CUX2: variants seen among roughly 807,000 people sequenced by gnomAD.
CUX2 encodes homeobox protein cut-like 2.
In CUX2, 40 loss-of-function variants were observed where a neutral mutation model predicts 144.8. That is an observed-to-expected ratio of 0.28 (90% CI 0.21 to 0.36). The LOEUF (loss-of-function observed/expected upper bound fraction) is 0.36. CUX2 is among the 10% of genes least tolerant of loss of function. The pLI is 1.00. For missense variants in CUX2, 1,615 were observed against 1,994.0 expected (o/e 0.81, Z 3.62); for synonymous variants, 827 against 875.6 (o/e 0.94, Z 0.98).
chr12:111,258,512 C>CAAAA (rs895707620), intron 3 of CUX2, among the ~76,000 whole-genome samples: 1 of 65,948 alleles, frequency 1.5e-5, no homozygotes, highest in African/African-American at 5.9e-5. Flanking sequence ...GACTCCATCT[C>CAAAA]AAAAAAAAAA....
intron 1 of CUX2, among the ~76,000 whole-genome samples, chr12:111,101,666 T>A (rs985099769): frequency 1.3e-5 from 2 of 152,202 alleles, no homozygotes; most frequent in African/African-American, 4.8e-5. Context: ...AAACACTGTG[T>A]GGCCTTGGGC....
intron 1 of CUX2, among the ~76,000 whole-genome samples, chr12:111,176,697 C>G (rs955124389): frequency 6.6e-6 from 1 of 152,200 alleles, no homozygotes; most frequent in Admixed American, 6.5e-5. Flanking sequence ...CCAGTATATG[C>G]TGGGCCACCT....
chr12:111,303,012 A>T (rs1406457669), intron 9 of CUX2, among the ~76,000 whole-genome samples: 4 of 151,910 alleles, frequency 2.6e-5, no homozygotes, highest in African/African-American at 9.7e-5. Context: ...ACTTGAACCC[A>T]GGAGTTCAAG....
intron 18 of CUX2, among the ~76,000 whole-genome samples, chr12:111,330,734 T>TACATAC (rs1565926348): frequency 3.6e-5 from 2 of 54,856 alleles, no homozygotes; most frequent in African/African-American, 1.4e-4. Context: ...TATATATATA[T>TACATAC]ATATATATAT....
chr12:111,132,855 A>T (rs554693599), intron 1 of CUX2, among the ~76,000 whole-genome samples: 1 of 152,122 alleles, frequency 6.6e-6, no homozygotes, highest in African/African-American at 2.4e-5. Context: ...GGCATGAGCC[A>T]CTATGCCTGG....
At chr12:111,278,142 C>T (rs1345123232) in intron 4 of CUX2, among the ~76,000 whole-genome samples, 3 of 152,284 alleles carry the variant, frequency 2.0e-5, no homozygotes, top group South Asian at 2.1e-4. Context: ...ACGGGCAGGA[C>T]GTGGTGGCTC....
intron 1 of CUX2, among the ~76,000 whole-genome samples, chr12:111,193,594 C>T (rs1375356814): frequency 2.0e-5 from 3 of 152,202 alleles, no homozygotes; most frequent in Non-Finnish European, 4.4e-5. Flanking sequence ...CGCACATCTG[C>T]TGGATAAAGA....
chr12:111,242,551 C>T (rs4766562), intron 3 of CUX2, among the ~76,000 whole-genome samples: 60,777 of 152,044 alleles, frequency 0.4, 16,959 homozygotes, highest in African/African-American at 0.78. Flanking sequence ...TGGTGGCTCA[C>T]GCCTGTAATC....
chr12:111,105,485 C>CTGTG lies in CUX2; in HGVS notation c.63+71266_63+71269dup, dbSNP rs139804461. ...GGCTAGTGTGGGAAGCTGGAAAGCT[C>CTGTG]TGTGTGTGTGTGTGTGTGTGTGTGC... On this transcript the variant is annotated intron_variant, in intron 1 of 21. Coordinates refer to ENST00000261726, the MANE Select transcript of CUX2 (RefSeq NM_015267.4). Among the ~76,000 whole-genome samples the CTGTG allele has an allele frequency of 8.5e-3, 1,272 of 149,680 alleles. 19 individuals carry two copies. The highest frequency in any genetic ancestry group is 0.023 in the African/African-American group (951 of 40,930).
chr12:111,314,016 C>G (rs1887045285), intron 16 of CUX2, among the ~76,000 whole-genome samples: 1 of 152,102 alleles, frequency 6.6e-6, no homozygotes, highest in Non-Finnish European at 1.5e-5. Context: ...AGATGTTTCC[C>G]AATCAATGGC....
intron 1 of CUX2, among the ~76,000 whole-genome samples, chr12:111,095,247 T>C (rs968717311): frequency 3.1e-4 from 47 of 152,194 alleles, no homozygotes; most frequent in African/African-American, 1.1e-3. Flanking sequence ...TAATTTGAGC[T>C]CAGGGGTTCA....
Position 111,304,714 on chromosome 12 carries a change from C to A in CUX2, c.858+400C>A, listed in dbSNP as rs1886488272. Among the ~76,000 whole-genome samples the A allele has an allele frequency of 6.6e-6, 1 of 152,134 alleles. No homozygotes were observed. The stretch of plus-strand genomic sequence containing the variant: ...GGAGAGGGAGTTTGAGGCAATACAG[C>A]AGCATGCAGTTTTGGTGGCTGCCAC... On this transcript the variant is annotated intron_variant, in intron 10 of 21. Coordinates refer to ENST00000261726, the MANE Select transcript of CUX2 (RefSeq NM_015267.4). This position sits in a 1 kb window ranked among gnomAD's most constrained non-coding sequence, Gnocchi z 4.7.
intron 1 of CUX2, among the ~76,000 whole-genome samples, chr12:111,074,237 T>G (rs890972031): frequency 2.0e-5 from 3 of 151,946 alleles, no homozygotes; most frequent in Non-Finnish European, 4.4e-5. Flanking sequence ...TCGAGGCTTC[T>G]CATTTGAATC....
chr12:111,091,306 C>T (rs1872536435), intron 1 of CUX2, among the ~76,000 whole-genome samples: 1 of 152,208 alleles, frequency 6.6e-6, no homozygotes, highest in African/African-American at 2.4e-5. Context: ...ATCCGCAGCC[C>T]CAAAGCTGCC....
rs150092893 is a variant in CUX2 at position 111,331,329 on chromosome 12, A to G, written c.2927-3112A>G. On this transcript the variant is annotated intron_variant, in intron 18 of 21. Coordinates refer to ENST00000261726, the MANE Select transcript of CUX2 (RefSeq NM_015267.4). Reference sequence around the variant, plus strand: ...CTCCCTTTTCTTCCAGCTGTCATACATTTTAATGGTTATTTTAACAAGTTT... The same window carrying G: ...CTCCCTTTTCTTCCAGCTGTCATACGTTTTAATGGTTATTTTAACAAGTTT... Among the ~76,000 whole-genome samples, 1,007 of 152,224 alleles carry G rather than the reference A, an allele frequency of 6.6e-3. 10 individuals are homozygous for G. Among genetic ancestry groups the G allele is most frequent in the African/African-American group, 0.022 (929 of 41,532 alleles).
chr12:111,214,841 G>A (rs1881442383), intron 2 of CUX2, among the ~76,000 whole-genome samples: 1 of 151,994 alleles, frequency 6.6e-6, no homozygotes, highest in African/African-American at 2.4e-5. Context: ...GCTTGGTGGG[G>A]GACAGAGAAT....
chr12:111,104,986 G>GA (rs1457365734), intron 1 of CUX2, among the ~76,000 whole-genome samples: 7 of 152,304 alleles, frequency 4.6e-5, no homozygotes, highest in African/African-American at 1.7e-4. Context: ...GGTTCTACCC[G>GA]AAACACTCTG....
At chr12:111,331,543 G>A (rs916548118) in intron 18 of CUX2, among the ~76,000 whole-genome samples, 17 of 151,884 alleles carry the variant, frequency 1.1e-4, no homozygotes, top group Admixed American at 1.1e-3. Context: ...GACTCCCATG[G>A]GTGCCTCTAA....
At chr12:111,175,044 G>C (rs951406944) in intron 1 of CUX2, among the ~76,000 whole-genome samples, 1 of 152,090 alleles carries the variant, frequency 6.6e-6, no homozygotes, top group Admixed American at 6.5e-5. Flanking sequence ...CAGAAGAGGG[G>C]GCCGTACAGG....
Sources: allele counts gnomAD v4.1 joint callset (sites outside exome capture counted in the v4.1 genomes callset), GRCh38; gene constraint gnomAD v4.1.1; non-coding constraint Gnocchi (gnomAD v3.1); transcripts MANE v1.5; gene names NCBI Gene and HGNC (gene_info 2026-07-23, HGNC 2026-07-21).